CYP2A13: variants seen among roughly 807,000 people sequenced by gnomAD.
The protein encoded by CYP2A13 is cytochrome P450 family 2 subfamily A member 13, also known as cytochrome P450 2A13.
CYP2A13 carries 30 observed loss-of-function variants against 39.4 expected under a neutral mutation model. That is an observed-to-expected ratio of 0.76 (90% CI 0.57 to 1.03). The LOEUF (loss-of-function observed/expected upper bound fraction) is 1.03. Ranked by LOEUF, CYP2A13 falls within the 50% of genes least tolerant of loss-of-function variation. The pLI, the probability that CYP2A13 is intolerant of heterozygous loss-of-function variation, is 0.00. For missense variants in CYP2A13, 731 were observed against 648.4 expected, an observed-to-expected ratio of 1.13 and a Z score of -1.38; for synonymous variants, 269 against 254.7, an observed-to-expected ratio of 1.06 and a Z score of -0.54.
In CYP2A13 at chr19:41,093,659, C is replaced by G. The variant is rs1443430850; in HGVS notation, c.861C>G (p.Tyr287Ter). ...EEEKNPNTEF[Y>*]LKNLVMTTLN... The stretch of plus-strand genomic sequence containing the variant: ...AGAAGAACCCCAACACAGAGTTCTA[C>G]TTGAAGAACCTGGTGATGACCACCC... Residue 287 changes from tyrosine to a stop codon, truncating the protein, a stop_gained, in exon 6 of 9, where the codon TAC (tyrosine) becomes TAG (stop). Coordinates refer to ENST00000330436, the MANE Select transcript of CYP2A13 (RefSeq NM_000766.5). LOFTEE classifies it high-confidence loss of function. 2 of 1,614,026 alleles carry G rather than the reference C, an allele frequency of 1.2e-6. No homozygotes were observed. The highest frequency in any genetic ancestry group is 1.7e-6 in the Non-Finnish European group (2 of 1,180,028).
rs1350179821 is a variant in CYP2A13, at chr19:41,088,944, G to T, written c.196G>T (p.Gly66Cys). Reference sequence around the variant, plus strand: ...CCTCCAACAGATCAGTGAGCGCTATGGCCCTGTGTTCACCATTCACTTGGG... The same window carrying T: ...CCTCCAACAGATCAGTGAGCGCTATTGCCCTGTGTTCACCATTCACTTGGG... ...NSLMKISERY[G>C]PVFTIHLGPR... Residue 66 changes from glycine (G) to cysteine (C), a missense_variant, in exon 2 of 9, where the codon GGC becomes TGC. Transcript: ENST00000330436. 1.2e-6 allele frequency: 2 copies of T among 1,614,012 alleles called. No homozygotes were observed. Among genetic ancestry groups the T allele is most frequent in the South Asian group, 1.1e-5 (1 of 91,068 alleles).
rs746533198 is a variant in CYP2A13, at chr19:41,094,386, A to G, written c.1115A>G (p.His372Arg). 3 of 1,614,074 alleles carry G rather than the reference A, an allele frequency of 1.9e-6. No individual in the cohort carries two copies. The highest frequency in any genetic ancestry group is 3.3e-5 in the Admixed American group (2 of 60,004). ...GACATGCTCCCCATGGGTTTGGCCC[A>G]CAGGGTCAACAAGGACACCAAGTTT... is the stretch of plus-strand genomic sequence containing the variant. ...FGDMLPMGLAHRVNKDTKFRD... is the reference protein window; with the variant it reads ...FGDMLPMGLARRVNKDTKFRD... Residue 372 changes from histidine (H) to arginine (R), a missense_variant, in exon 7 of 9, where the codon CAC becomes CGC. His to Arg is a conservative substitution (Grantham distance 29). Coordinates refer to ENST00000330436, the MANE Select transcript of CYP2A13 (RefSeq NM_000766.5).
At chr19:41,092,432 G>A (rs750495783) in intron 5 of CYP2A13, among the ~76,000 whole-genome samples, 3 of 150,734 alleles carry the variant, frequency 2.0e-5, no homozygotes, top group Non-Finnish European at 4.4e-5. Flanking sequence ...CATTAGAATA[G>A]CAAGCACTTC....
intron 5 of CYP2A13, 134 bp downstream of exon 5, chr19:41,092,042 C>T (rs1333601571): frequency 5.5e-5 from 75 of 1,370,132 alleles, no homozygotes; most frequent in South Asian, 8.8e-5. Flanking sequence ...TGGCCAGGCG[C>T]GGTGGCTCAT....
intron 2 of CYP2A13, among the ~76,000 whole-genome samples, chr19:41,089,816 CTCT>C (rs2031131900): frequency 8.3e-5 from 2 of 24,200 alleles, no homozygotes; most frequent in African/African-American, 5.4e-4. Context: ...CTCTCTCTCT[CTCT>C]CTCTCTCTCT....
At chr19:41,089,479 C>T (rs2031120184) in intron 2 of CYP2A13, among the ~76,000 whole-genome samples, 1 of 152,144 alleles carries the variant, frequency 6.6e-6, no homozygotes, top group Non-Finnish European at 1.5e-5. Flanking sequence ...TCTCCCACTT[C>T]TTCCTCTGTC....
Position 41,094,964 on chromosome 19 carries a change from T to G in CYP2A13, c.1167T>G (p.Thr389=), listed in dbSNP as rs772139548. The stretch of plus-strand genomic sequence containing the variant: ...ACCTTCCTCCTCCCTCCCAGGGCAC[T>G]GAAGTGTTCCCTATGCTGGGCTCCG... ...KFRDFFLPKG[T]EVFPMLGSVL... Residue 389 remains threonine, a synonymous_variant, in exon 8 of 9, where the codon ACT becomes ACG. Coordinates refer to ENST00000330436, the MANE Select transcript of CYP2A13 (RefSeq NM_000766.5). The G allele has an allele frequency of 1.2e-6, 2 of 1,614,028 alleles. No individual in the cohort carries two copies. The highest frequency in any genetic ancestry group is 4.5e-5 in the East Asian group (2 of 44,870).
In CYP2A13 at chr19:41,095,857, GC is replaced by G; in HGVS notation, c.1403del (p.Pro468LeufsTer22). 6.2e-7 allele frequency: 1 copy of G among 1,614,030 alleles called. No individual in the cohort carries two copies. Among genetic ancestry groups the G allele is most frequent in the Non-Finnish European group, 8.5e-7 (1 of 1,179,956 alleles). On this transcript the variant is annotated frameshift_variant, in exon 9 of 9. Transcript: ENST00000330436. LOFTEE classifies it low-confidence loss of function (END_TRUNC). ...ACTTTCGCTTCAAGTCCCCTCAGTC[GC>G]CTAAGGATATCGACGTGTCCCCCAA... ...QNFRFKSPQS[P>X]KDIDVSPKHV...
chr19:41,094,481 CCT>C lies in CYP2A13; in HGVS notation c.1161+56_1161+57del, dbSNP rs2031259596. 3 of 1,602,388 alleles carry C rather than the reference CCT, an allele frequency of 1.9e-6. No homozygotes were observed. The South Asian group carries it at 3.3e-5, about 18-fold the overall frequency. ...CCACTCAGACTACGGGGACTTCCAG[CCT>C]CTCTCTGTGTCCCCAGAATCCTGCC... On this transcript the variant is annotated intron_variant, in intron 7 of 8. Transcript: ENST00000330436.
chr19:41,090,795 T>A (rs529950010), intron 4 of CYP2A13, among the ~76,000 whole-genome samples: 26 of 152,322 alleles, frequency 1.7e-4, no homozygotes, highest in African/African-American at 4.8e-4. Context: ...CAGAGCCTGC[T>A]GGCAGGATGC....
intron 5 of CYP2A13, among the ~76,000 whole-genome samples, chr19:41,092,515 T>A (rs1217331794): frequency 6.6e-6 from 1 of 152,030 alleles, no homozygotes; most frequent in African/African-American, 2.4e-5. Context: ...TTATAACAGC[T>A]CTTGAAGGAG....
intron 3 of CYP2A13, 99 bp from the exon 4 acceptor site, chr19:41,090,305 G>T: frequency 6.3e-7 from 1 of 1,581,742 alleles, no homozygotes. Context: ...TCTGGCGCTG[G>T]GATTCGGCTC....
At chr19:41,095,639 A>G in intron 8 of CYP2A13, 121 bp from the exon 9 acceptor site, 2 of 1,321,788 alleles carry the variant, frequency 1.5e-6, no homozygotes. Context: ...TCTCCTCTGA[A>G]AGTCTCTCAG....
chr19:41,096,090 G>A lies in CYP2A13; in HGVS notation c.*149G>A. 1 of 1,204,766 alleles carries A rather than the reference G, an allele frequency of 8.3e-7. No individual in the cohort carries two copies. Among genetic ancestry groups the A allele is most frequent in the Admixed American group, 2.4e-5 (1 of 41,446 alleles). The allele number at this position is 1,204,766 out of a possible 1,614,324, so 74.6% of individuals were successfully genotyped here. Reference sequence around the variant, plus strand: ...TTAGAGGGAACAGAAGAAACAGAAGGGGCTCAGTTCACCTTGATGATGTCC... The same window carrying A: ...TTAGAGGGAACAGAAGAAACAGAAGAGGCTCAGTTCACCTTGATGATGTCC... On this transcript the variant is annotated 3_prime_UTR_variant, in exon 9 of 9. Coordinates refer to ENST00000330436, the MANE Select transcript of CYP2A13 (RefSeq NM_000766.5).
At position 41,093,619 on chromosome 19, in the gene CYP2A13, T is replaced by A; in HGVS notation, c.832-11T>A. 1 of 1,613,882 alleles carries A rather than the reference T, an allele frequency of 6.2e-7. No individual in the cohort carries two copies. Among genetic ancestry groups the A allele is most frequent in the Non-Finnish European group, 8.5e-7 (1 of 1,179,912 alleles). On this transcript the variant is annotated splice_polypyrimidine_tract_variant and intron_variant, in intron 5 of 8. Transcript: ENST00000330436. Reference sequence around the variant, plus strand: ...AGAGTGAGCTTGGTCTAAACCGCCCTCTCCCTGCAGGAGGAGAAGAACCCC... The same window carrying A: ...AGAGTGAGCTTGGTCTAAACCGCCCACTCCCTGCAGGAGGAGAAGAACCCC...
chr19:41,088,580 C>T lies in CYP2A13; in HGVS notation c.109C>T (p.Pro37Ser). 6.2e-7 allele frequency: 1 copy of T among 1,613,992 alleles called. No homozygotes were observed. ...GAGCAGGGGGAAGCTGCCTCCGGGACCCACCCCATTGCCCTTCATTGGAAA... is the reference window on the plus strand; with the variant it reads ...GAGCAGGGGGAAGCTGCCTCCGGGATCCACCCCATTGCCCTTCATTGGAAA... ...RKSRGKLPPGPTPLPFIGNYL... is the reference protein window; with the variant it reads ...RKSRGKLPPGSTPLPFIGNYL... Residue 37 changes from proline (P) to serine (S), a missense_variant, in exon 1 of 9, where the codon CCC becomes TCC. Coordinates refer to ENST00000330436, the MANE Select transcript of CYP2A13 (RefSeq NM_000766.5).
At position 41,095,120 on chromosome 19, in the gene CYP2A13, T is replaced by C; in HGVS notation, c.1303+20T>C. The C allele has an allele frequency of 6.2e-7, 1 of 1,614,084 alleles. No individual in the cohort carries two copies. Among genetic ancestry groups the C allele is most frequent in the Non-Finnish European group, 8.5e-7 (1 of 1,179,992 alleles). On this transcript the variant is annotated intron_variant, in intron 8 of 8. Coordinates refer to ENST00000330436, the MANE Select transcript of CYP2A13 (RefSeq NM_000766.5). ...CCATCGGTAAGAGACCACTGTTTGC[T>C]GCCAGGCCACGGCTCACACCAGCAG...
chr19:41,088,826 G>A (rs2031098579), intron 1 of CYP2A13, 103 bp from the exon 2 acceptor site: 2 of 1,556,436 alleles, frequency 1.3e-6, no homozygotes, highest in Non-Finnish European at 8.7e-7. Flanking sequence ...CTCCCTGACT[G>A]TGAGAACCTG....
intron 2 of CYP2A13, 79 bp from the exon 3 acceptor site, chr19:41,089,968 T>C: frequency 6.9e-7 from 1 of 1,454,884 alleles, no homozygotes; most frequent in South Asian, 1.4e-5. Flanking sequence ...GCTCCACCCT[T>C]GGGGAGCCCC....
Sources: allele counts gnomAD v4.1 joint callset (sites outside exome capture counted in the v4.1 genomes callset), GRCh38; gene constraint gnomAD v4.1.1; transcripts MANE v1.5; gene names NCBI Gene and HGNC (gene_info 2026-07-23, HGNC 2026-07-21).